The following CMTM7 variants were observed in gnomAD, a reference collection of about 807,000 sequenced individuals.
CMTM7 encodes CKLF like MARVEL transmembrane domain containing 7.
CMTM7 carries 7 observed loss-of-function variants against 19.3 expected under a neutral mutation model. That is an observed-to-expected ratio of 0.36 (90% CI 0.21 to 0.68). The LOEUF (loss-of-function observed/expected upper bound fraction) is 0.68, where lower values mean the gene tolerates loss of function less well. Ranked by LOEUF, CMTM7 falls within the 30% of genes least tolerant of loss-of-function variation. CMTM7 has a pLI of 0.60. For missense variants in CMTM7, 193 were observed against 232.6 expected (o/e 0.83, Z 1.11); for synonymous variants, 87 against 99.3 (o/e 0.88, Z 0.74).
At chr3:32,421,513 C>T (rs2125630476) in intron 1 of CMTM7, among the ~76,000 whole-genome samples, 1 of 152,314 alleles carries the variant, frequency 6.6e-6, no homozygotes, top group East Asian at 1.9e-4. Context: ...TTGTGGAGTC[C>T]ACACCAGGGC....
At chr3:32,444,845 G>T (rs901126800) in intron 2 of CMTM7, among the ~76,000 whole-genome samples, 1 of 152,078 alleles carries the variant, frequency 6.6e-6, no homozygotes, top group African/African-American at 2.4e-5. Context: ...CAAACTCCTG[G>T]GCTCAAGCAA....
intron 1 of CMTM7, among the ~76,000 whole-genome samples, chr3:32,402,602 G>A (rs1696027328): frequency 6.6e-6 from 1 of 151,880 alleles, no homozygotes; most frequent in South Asian, 2.1e-4. Context: ...TCACTTTGTC[G>A]CCCAGGCTGG....
At chr3:32,452,030 A>T in intron 3 of CMTM7, 1 of 1,276,376 alleles carries the variant, frequency 7.8e-7, no homozygotes, top group Non-Finnish European at 1.0e-6. Context: ...TTTAACCCAA[A>T]TTAAAATTTC....
At chr3:32,407,973 C>T (rs902463858) in intron 1 of CMTM7, among the ~76,000 whole-genome samples, 5 of 152,152 alleles carry the variant, frequency 3.3e-5, no homozygotes, top group African/African-American at 4.8e-5. Context: ...TTGGAAAAAC[C>T]GTCTTCTCAC....
chr3:32,454,164 A>C (rs1455004355), intron 4 of CMTM7, 77 bp from the exon 5 acceptor site: 3 of 1,485,968 alleles, frequency 2.0e-6, no homozygotes, highest in East Asian at 4.6e-5. Flanking sequence ...CAGAACTTGG[A>C]GTCAAACCTG....
chr3:32,415,992 T>C (rs1455604670), intron 1 of CMTM7, among the ~76,000 whole-genome samples: 1 of 152,158 alleles, frequency 6.6e-6, no homozygotes, highest in African/African-American at 2.4e-5. Context: ...GCCAGGCCTG[T>C]GTTTTTGACT....
chr3:32,454,113 G>A (rs1696874541), intron 4 of CMTM7, 128 bp from the exon 5 acceptor site: 7 of 993,712 alleles, frequency 7.0e-6, no homozygotes, highest in Non-Finnish European at 1.1e-5. Flanking sequence ...TAATCTCAGT[G>A]CAAGTCGGCA....
rs764264643 is a variant in CMTM7, at chr3:32,452,515, A to G, written c.514+42A>G. 3.2e-5 allele frequency: 51 copies of G among 1,595,750 alleles called. No individual in the cohort carries two copies. In the African/African-American group the frequency reaches 3.5e-4, roughly 11 times the overall value. ...TGTGCACAGAGGATCTCTCAGGAAC[A>G]GGGGGATGGCTTGTTCTTGACTTCA... On this transcript the variant is annotated intron_variant, in intron 4 of 4. Transcript: ENST00000334983.
At chr3:32,434,562 G>A (rs963662418) in intron 1 of CMTM7, among the ~76,000 whole-genome samples, 1 of 150,328 alleles carries the variant, frequency 6.7e-6, no homozygotes, top group African/African-American at 2.5e-5. Context: ...GCCTGTCTTG[G>A]CCTCCCAAAG....
chr3:32,404,629 G>A (rs542752859), intron 1 of CMTM7, among the ~76,000 whole-genome samples: 1 of 152,184 alleles, frequency 6.6e-6, no homozygotes, highest in Admixed American at 6.5e-5. Context: ...TTTTTCCACC[G>A]TGGTGTGCTA....
At chr3:32,424,613 A>AGACCACT (rs1696399318) in intron 1 of CMTM7, among the ~76,000 whole-genome samples, 1 of 149,906 alleles carries the variant, frequency 6.7e-6, no homozygotes. Context: ...CCCCTCTCCC[A>AGACCACT]GACCACTGAG....
intron 4 of CMTM7, among the ~76,000 whole-genome samples, chr3:32,453,877 A>G (rs558335674): frequency 1.3e-5 from 2 of 152,340 alleles, no homozygotes; most frequent in South Asian, 2.1e-4. Context: ...CGTAGAGAAT[A>G]TAGGGGAAAA....
intron 1 of CMTM7, among the ~76,000 whole-genome samples, chr3:32,418,197 C>T (rs1283384191): frequency 2.6e-5 from 4 of 152,210 alleles, no homozygotes; most frequent in African/African-American, 9.7e-5. Flanking sequence ...TTGCCATCCA[C>T]ATAGCCTCTT....
chr3:32,399,954 C>T (rs1481984021), intron 1 of CMTM7, among the ~76,000 whole-genome samples: 2 of 152,166 alleles, frequency 1.3e-5, no homozygotes, highest in Admixed American at 6.5e-5. Flanking sequence ...TCACCCACTC[C>T]CTCTTCCCCA....
At chr3:32,429,687 G>A (rs1413691376) in intron 1 of CMTM7, among the ~76,000 whole-genome samples, 1 of 148,264 alleles carries the variant, frequency 6.7e-6, no homozygotes, top group African/African-American at 2.5e-5. Context: ...TGCAAGCTCT[G>A]TCTCCCAGGT....
At chr3:32,443,577 T>C (rs181377638) in intron 2 of CMTM7, among the ~76,000 whole-genome samples, 1 of 152,346 alleles carries the variant, frequency 6.6e-6, no homozygotes, top group East Asian at 1.9e-4. Flanking sequence ...TTCTCTGGTA[T>C]GTATCTAGGA....
At chr3:32,421,280 C>T (rs759905594) in intron 1 of CMTM7, among the ~76,000 whole-genome samples, 7 of 152,166 alleles carry the variant, frequency 4.6e-5, no homozygotes, top group Non-Finnish European at 1.0e-4. Context: ...CCATCGCCCA[C>T]CTAGCATATC....
intron 4 of CMTM7, among the ~76,000 whole-genome samples, chr3:32,453,180 C>T (rs1474986544): frequency 2.0e-5 from 3 of 151,788 alleles, no homozygotes; most frequent in Non-Finnish European, 4.4e-5. Context: ...GTGGTGTGTA[C>T]CCATAGTACC....
At chr3:32,411,301 G>T (rs1696171992) in intron 1 of CMTM7, among the ~76,000 whole-genome samples, 1 of 152,136 alleles carries the variant, frequency 6.6e-6, no homozygotes, top group African/African-American at 2.4e-5. Flanking sequence ...CTTATTGAAA[G>T]AACTCTTTTA....
Sources: gnomAD v4.1 joint callset for allele counts (sites outside exome capture counted in the v4.1 genomes callset) on GRCh38, gnomAD v4.1.1 for gene constraint, MANE v1.5 for transcripts, NCBI Gene and HGNC (gene_info 2026-07-23, HGNC 2026-07-21) for gene names.